Variants in FBXO4 observed in about 807,000 individuals in gnomAD.
FBXO4 encodes the protein F-box only protein 4.
Under a neutral mutation model 43.7 loss-of-function variants are expected in FBXO4, and 36 were observed. That is an observed-to-expected ratio of 0.82 (90% CI 0.63 to 1.09). FBXO4 has a LOEUF of 1.09. Among genes scored for constraint, FBXO4 ranks in the 50% least tolerant of loss-of-function variants. The pLI is 0.00. For missense variants in FBXO4, 435 were observed against 474.1 expected, an observed-to-expected ratio of 0.92 and a Z score of 0.77; for synonymous variants, 180 against 165.6, an observed-to-expected ratio of 1.09 and a Z score of -0.67.
chr5:41,936,404 C>T (rs1260851738), intron 5 of FBXO4, among the ~76,000 whole-genome samples: 2 of 152,016 alleles, frequency 1.3e-5, no homozygotes, highest in Admixed American at 6.6e-5. Flanking sequence ...CATGGTGGCA[C>T]GTGCCTGTAG....
chr5:41,999,386 G>A, the FBXO4 span, among the ~76,000 whole-genome samples: 5 of 140,324 alleles, frequency 3.6e-5, no homozygotes, highest in African/African-American at 1.3e-4. Flanking sequence ...AGAACTAATG[G>A]GTGATATATA....
the FBXO4 span, among the ~76,000 whole-genome samples, chr5:41,978,067 G>T: frequency 1.3e-5 from 2 of 152,104 alleles, no homozygotes; most frequent in Non-Finnish European, 2.9e-5. Context: ...CTTGGCTTCT[G>T]GTGAGGGCCT....
chr5:42,026,062 C>A, the FBXO4 span, among the ~76,000 whole-genome samples: 1 of 151,774 alleles, frequency 6.6e-6, no homozygotes, highest in Non-Finnish European at 1.5e-5. Flanking sequence ...ATTGTTTTGT[C>A]TATTTCTGAG....
At chr5:42,018,187 T>G in the FBXO4 span, among the ~76,000 whole-genome samples, 1 of 149,734 alleles carries the variant, frequency 6.7e-6, no homozygotes, top group East Asian at 1.9e-4. Flanking sequence ...AATATATGTG[T>G]AATATTATAT....
chr5:41,929,968 T>G (rs755442348), intron 3 of FBXO4, 51 bp downstream of exon 3: 1 of 1,352,184 alleles, frequency 7.4e-7, no homozygotes, highest in Admixed American at 2.2e-5. Context: ...AGCTTGACAT[T>G]CTTGTTAAAA....
the FBXO4 span, among the ~76,000 whole-genome samples, chr5:41,977,866 C>T: frequency 6.6e-6 from 1 of 152,204 alleles, no homozygotes; most frequent in African/African-American, 2.4e-5. Context: ...GCCCATTGCT[C>T]AGCTCCAAAG....
At chr5:41,972,468 T>C in the FBXO4 span, among the ~76,000 whole-genome samples, 1 of 151,578 alleles carries the variant, frequency 6.6e-6, no homozygotes, top group Non-Finnish European at 1.5e-5. Context: ...AAATGGAAAA[T>C]CAATATTGTT....
At chr5:42,038,351 C>A in the FBXO4 span, among the ~76,000 whole-genome samples, 1 of 151,982 alleles carries the variant, frequency 6.6e-6, no homozygotes, top group Non-Finnish European at 1.5e-5. Context: ...TTTCATTAAA[C>A]GATTGTTTCC....
At chr5:42,012,173 T>C in the FBXO4 span, among the ~76,000 whole-genome samples, 1 of 152,302 alleles carries the variant, frequency 6.6e-6, no homozygotes, top group South Asian at 2.1e-4. Flanking sequence ...TAATTAGACA[T>C]GAGCGTCCTC....
rs1218796504 is a variant in FBXO4 at position 41,928,231 on chromosome 5, G to A, written c.425+983G>A. Among the ~76,000 whole-genome samples the A allele has an allele frequency of 2.6e-5, 4 of 152,214 alleles. No homozygotes were observed. The East Asian group carries it at 5.8e-4, about 22-fold the overall frequency. ...TAACCATTGCATCAAGTGTATATGA[G>A]GCTGTGGAATTAGATTTTGCCCAGG... On this transcript the variant is annotated intron_variant, in intron 2 of 6. Transcript: ENST00000281623.
the FBXO4 span, among the ~76,000 whole-genome samples, chr5:41,964,532 C>A: frequency 4.7e-5 from 7 of 148,776 alleles, no homozygotes; most frequent in African/African-American, 1.7e-4. Flanking sequence ...GCTGAAAATT[C>A]TTTGGTGGAA....
At chr5:41,949,954 A>G in the FBXO4 span, among the ~76,000 whole-genome samples, 2 of 152,236 alleles carry the variant, frequency 1.3e-5, no homozygotes, top group African/African-American at 4.8e-5. Flanking sequence ...GACAAAAACA[A>G]GCAATAGGGA....
downstream of FBXO4, among the ~76,000 whole-genome samples, chr5:41,942,061 T>C (rs1190940743): frequency 3.3e-5 from 5 of 152,152 alleles, no homozygotes; most frequent in African/African-American, 1.2e-4. Flanking sequence ...AAGCCATAAA[T>C]ATCTATATAT....
chr5:41,930,304 TA>T (rs34162593), intron 3 of FBXO4: 14 of 156,818 alleles, frequency 8.9e-5, no homozygotes, highest in South Asian at 2.0e-4. Flanking sequence ...CTCTTTCTAT[TA>T]AAAAAAATGC....
At chr5:42,025,727 G>T in the FBXO4 span, among the ~76,000 whole-genome samples, 1 of 151,896 alleles carries the variant, frequency 6.6e-6, no homozygotes, top group East Asian at 1.9e-4. Context: ...TGAATGGAGA[G>T]AGAGAGGAGT....
chr5:42,010,507 CAA>C, the FBXO4 span, among the ~76,000 whole-genome samples: 45 of 106,374 alleles, frequency 4.2e-4, no homozygotes, highest in South Asian at 5.9e-4. Context: ...GCCTCCATCT[CAA>C]AAAAAAAAAA....
chr5:42,028,817 A>G, the FBXO4 span, among the ~76,000 whole-genome samples: 15 of 152,050 alleles, frequency 9.9e-5, no homozygotes, highest in East Asian at 2.3e-3. Context: ...AAAACTAAAA[A>G]AAAACCAACT....
chr5:42,009,823 T>C, the FBXO4 span, among the ~76,000 whole-genome samples: 1 of 152,224 alleles, frequency 6.6e-6, no homozygotes, highest in African/African-American at 2.4e-5. Context: ...TTAGTGGCAC[T>C]AAGAACATAT....
the FBXO4 span, among the ~76,000 whole-genome samples, chr5:41,999,465 G>GTGTGTA: frequency 1.8e-4 from 12 of 65,296 alleles, no homozygotes; most frequent in African/African-American, 6.7e-4. Context: ...GTGTGTGTGT[G>GTGTGTA]TATATATATA....
Sources: gnomAD v4.1 joint callset for allele counts (sites outside exome capture counted in the v4.1 genomes callset) on GRCh38, gnomAD v4.1.1 for gene constraint, MANE v1.5 for transcripts, NCBI Gene and HGNC (gene_info 2026-07-23, HGNC 2026-07-21) for gene names.